The following PTH1R variants were observed in gnomAD, a reference collection of about 807,000 sequenced individuals.
The protein encoded by PTH1R is parathyroid hormone 1 receptor.
A neutral mutation model predicts 70.7 loss-of-function variants in PTH1R; 32 were observed. The observed-to-expected ratio is 0.45, with a 90% CI of 0.34 to 0.61. The LOEUF (loss-of-function observed/expected upper bound fraction) is 0.61, where lower values mean the gene tolerates loss of function less well. Ranked by LOEUF, PTH1R falls within the 20% of genes least tolerant of loss-of-function variation. The probability of loss-of-function intolerance (pLI) is 0.01; values close to 1 mark genes in which losing one functional copy is unlikely to be tolerated. For missense variants in PTH1R, 626 were observed against 792.5 expected, an observed-to-expected ratio of 0.79 and a Z score of 2.52; for synonymous variants, 329 against 324.8, an observed-to-expected ratio of 1.01 and a Z score of -0.14.
At chr3:46,889,365 T>G (rs946315726) in intron 3 of PTH1R, among the ~76,000 whole-genome samples, 1 of 152,212 alleles carries the variant, frequency 6.6e-6, no homozygotes. Context: ...AAGGGAGACT[T>G]GCTTAATGTA....
In PTH1R at chr3:46,891,275, G is replaced by A. The variant is rs2031401686; in HGVS notation, c.76-2632G>A. Among the ~76,000 whole-genome samples the A allele has an allele frequency of 6.6e-6, 1 of 152,202 alleles. No homozygotes were observed. Among genetic ancestry groups the A allele is most frequent in the South Asian group, 2.1e-4 (1 of 4,826 alleles). On this transcript the variant is annotated intron_variant, in intron 3 of 15. Coordinates refer to ENST00000449590, the MANE Select transcript of PTH1R (RefSeq NM_000316.3). The surrounding 1 kb of genome is among the most constrained non-coding windows in gnomAD (Gnocchi z 4.3). Reference sequence around the variant, plus strand: ...GTGCCTCCTCCTGGCCATGGAGAAGGTGAAGCCAACAGCTGGAGGTAGAGG... The same window carrying A: ...GTGCCTCCTCCTGGCCATGGAGAAGATGAAGCCAACAGCTGGAGGTAGAGG...
rs1056355333 is a variant in PTH1R at position 46,882,166 on chromosome 3, C to A, written c.-49+1048C>A. 6.7e-6 allele frequency: 1 copy of A among 148,514 alleles called. No homozygotes were observed. The highest frequency in any genetic ancestry group is 2.5e-5 in the African/African-American group (1 of 40,646). 9.2% of individuals were successfully genotyped at this position (148,514 alleles called of 1,614,324 possible). Reference sequence around the variant, plus strand: ...TCCTCTCGGCCTCTCCACACTCCCGCGTCGGCGGCTGCGGAGGGGGTGGGG... The same window carrying A: ...TCCTCTCGGCCTCTCCACACTCCCGAGTCGGCGGCTGCGGAGGGGGTGGGG... On this transcript the variant is annotated intron_variant, in intron 2 of 15. Transcript: ENST00000449590. This position sits in a 1 kb window ranked among gnomAD's most constrained non-coding sequence, Gnocchi z 4.3.
rs1476388516 is a variant in PTH1R at position 46,898,725 on chromosome 3, C to T, written c.702C>T (p.Ala234=). The T allele has an allele frequency of 2.5e-6, 4 of 1,611,216 alleles. No homozygotes were observed. Among genetic ancestry groups the T allele is most frequent in the South Asian group, 1.1e-5 (1 of 91,084 alleles). The change falls in exon 9 of 16, where the codon GCC becomes GCT. Residue 234 remains alanine (A), a synonymous_variant. Transcript: ENST00000449590. Reference sequence around the variant, plus strand: ...TGTTCCTGTCCTTCATGCTGCGCGCCGTGAGCATCTTCGTCAAGGACGCTG... The same window carrying T: ...TGTTCCTGTCCTTCATGCTGCGCGCTGTGAGCATCTTCGTCAAGGACGCTG... ...MHLFLSFMLR[A]VSIFVKDAVL...
chr3:46,898,419 C>T lies in PTH1R; in HGVS notation c.585C>T (p.Tyr195=). 1 of 1,614,062 alleles carries T rather than the reference C, an allele frequency of 6.2e-7. No homozygotes were observed. The highest frequency in any genetic ancestry group is 8.5e-7 in the Non-Finnish European group (1 of 1,180,018). ...DRLGMIYTVG[Y]SVSLASLTVA... ...TGGGCATGATTTACACCGTGGGCTA[C>T]TCCGTGTCCCTGGCGTCCCTCACCG... is the stretch of plus-strand genomic sequence containing the variant. The change falls in exon 8 of 16, where the codon TAC becomes TAT. Residue 195 remains tyrosine, a synonymous_variant. Transcript: ENST00000449590.
intron 2 of PTH1R, among the ~76,000 whole-genome samples, chr3:46,881,418 C>G (rs1310722602): frequency 6.6e-6 from 1 of 152,174 alleles, no homozygotes. Context: ...CCGGTCCGAG[C>G]CGGCCGATAG....
intron 9 of PTH1R, 77 bp downstream of exon 9, chr3:46,898,934 G>A: frequency 9.3e-7 from 1 of 1,071,032 alleles, no homozygotes; most frequent in East Asian, 3.0e-5. Flanking sequence ...GCTCCAGCCC[G>A]GCCCTCGCCC....
chr3:46,890,297 A>C (rs147866137), intron 3 of PTH1R, among the ~76,000 whole-genome samples: 6 of 152,052 alleles, frequency 3.9e-5, no homozygotes, highest in Non-Finnish European at 5.9e-5. Flanking sequence ...CCATCTACCC[A>C]GATAATCTCC....
chr3:46,893,678 C>T lies in PTH1R; in HGVS notation c.76-229C>T, dbSNP rs2031563133. Among the ~76,000 whole-genome samples, 5 of 152,174 alleles carry T rather than the reference C, an allele frequency of 3.3e-5. No homozygotes were observed. The highest frequency in any genetic ancestry group is 2.6e-4 in the Admixed American group (4 of 15,288). Reference sequence around the variant, plus strand: ...ACTGGCGGGCAGGCAGGAGAGAGCCCCTGCTTTTTCCCTTCGATCAGGCAG... The same window carrying T: ...ACTGGCGGGCAGGCAGGAGAGAGCCTCTGCTTTTTCCCTTCGATCAGGCAG... On this transcript the variant is annotated intron_variant, in intron 3 of 15. Coordinates refer to ENST00000449590, the MANE Select transcript of PTH1R (RefSeq NM_000316.3). The surrounding 1 kb of genome is among the most constrained non-coding windows in gnomAD (Gnocchi z 5.2).
In PTH1R at chr3:46,903,521, G is replaced by A. The variant is rs750055912; in HGVS notation, c.1647G>A (p.Glu549=). The change falls in exon 16 of 16, where the codon GAG becomes GAA. Residue 549 remains glutamate (E), a synonymous_variant. Transcript: ENST00000449590. The surrounding 1 kb of genome is among the most constrained non-coding windows in gnomAD (Gnocchi z 4.4). ...GGACCCCAGCCCTGGAGACCCTCGAGACCACACCACCTGCCATGGCTGCTC... is the reference window on the plus strand; with the variant it reads ...GGACCCCAGCCCTGGAGACCCTCGAAACCACACCACCTGCCATGGCTGCTC... ...KPGTPALETL[E]TTPPAMAAPK... The A allele has an allele frequency of 4.3e-6, 7 of 1,613,780 alleles. 1 individual carries two copies. In the Admixed American group the frequency reaches 1.0e-4, roughly 23 times the overall value.
rs1411091136 is a variant in PTH1R, at chr3:46,892,649, C to G, written c.76-1258C>G. 1.0e-5 allele frequency: 8 copies of G among 795,054 alleles called. 1 individual carries two copies. The South Asian group carries it at 4.6e-4, about 45-fold the overall frequency. 49.2% of individuals were successfully genotyped at this position (795,054 alleles called of 1,614,324 possible). On this transcript the variant is annotated intron_variant, in intron 3 of 15. Coordinates refer to ENST00000449590, the MANE Select transcript of PTH1R (RefSeq NM_000316.3). The surrounding 1 kb of genome is among the most constrained non-coding windows in gnomAD (Gnocchi z 5.2). ...GCTCTCTGACCCGGCCTGCCCGCCC[C>G]TCTCGCCGGTGCCCGCCCCATGCCC...
At position 46,903,257 on chromosome 3, in the gene PTH1R, T is replaced by C. The variant is rs2107067634; in HGVS notation, c.1396-13T>C. The C allele has an allele frequency of 1.9e-6, 3 of 1,612,182 alleles. No individual in the cohort carries two copies. The highest frequency in any genetic ancestry group is 3.3e-5 in the Admixed American group (2 of 59,992). On this transcript the variant is annotated splice_polypyrimidine_tract_variant and intron_variant, in intron 15 of 15. Coordinates refer to ENST00000449590, the MANE Select transcript of PTH1R (RefSeq NM_000316.3). This position sits in a 1 kb window ranked among gnomAD's most constrained non-coding sequence, Gnocchi z 4.4. ...GGAGACACACCTGACTGCCGCACCC[T>C]TACTGCCCCAAGGTACAAGCTGAGA...
intron 9 of PTH1R, 142 bp from the exon 10 acceptor site, chr3:46,899,161 G>C (rs1421008914): frequency 9.1e-7 from 1 of 1,101,230 alleles, no homozygotes; most frequent in Non-Finnish European, 1.3e-6. Flanking sequence ...CCCCCTGAGA[G>C]AGCCCCCCAA....
rs780016272 is a variant in PTH1R, at chr3:46,898,180, G to A, written c.531G>A (p.Glu177=). 3.7e-6 allele frequency: 6 copies of A among 1,614,048 alleles called. No homozygotes were observed. The highest frequency in any genetic ancestry group is 1.3e-5 in the African/African-American group (1 of 74,920). ...AGTGTGTCAAATTTCTCACCAATGAGACTCGTGAACGGGTGCGAGCCTTTC... is the reference window on the plus strand; with the variant it reads ...AGTGTGTCAAATTTCTCACCAATGAAACTCGTGAACGGGTGCGAGCCTTTC... The part of the protein sequence containing the change: ...YSECVKFLTN[E]TREREVFDRL... The change falls in exon 7 of 16, where the codon GAG becomes GAA. Residue 177 remains glutamate (E), a synonymous_variant. Transcript: ENST00000449590.
chr3:46,890,632 A>T (rs1418622182), intron 3 of PTH1R, among the ~76,000 whole-genome samples: 2 of 150,686 alleles, frequency 1.3e-5, no homozygotes, highest in East Asian at 3.9e-4. Flanking sequence ...CCTCCCGAGT[A>T]GCTGGGATTA....
intron 9 of PTH1R, 82 bp downstream of exon 9, chr3:46,898,939 TCGCCCTGCCCG>T (rs1335064827): frequency 3.9e-6 from 4 of 1,021,988 alleles, no homozygotes; most frequent in Non-Finnish European, 5.3e-6. Context: ...AGCCCGGCCC[TCGCCCTGCCCG>T]CCTCCTGCCA....
chr3:46,882,060 T>C lies in PTH1R; in HGVS notation c.-49+942T>C, dbSNP rs1012354461. On this transcript the variant is annotated intron_variant, in intron 2 of 15. Coordinates refer to ENST00000449590, the MANE Select transcript of PTH1R (RefSeq NM_000316.3). This position sits in a 1 kb window ranked among gnomAD's most constrained non-coding sequence, Gnocchi z 4.3. ...ATGTTACAGCTGCCCCCGCCCCGTC[T>C]CCCCAGCACTCACATCCCGCCGCCG... 1 of 151,722 alleles carries C rather than the reference T, an allele frequency of 6.6e-6. No homozygotes were observed. The allele number at this position is 151,722 out of a possible 1,614,324, so 9.4% of individuals were successfully genotyped here. A position where few individuals can be genotyped will look rare whatever the true frequency, so the allele number is the denominator to read the frequency against.
chr3:46,895,781 A>G lies in PTH1R; in HGVS notation c.225A>G (p.Ser75=). The part of the protein sequence containing the change: ...SDKGWTSAST[S]GKPRKDKASG... ...AGGGATGGACATCTGCGTCCACATC[A>G]GGGAAGCCCAGGAAAGATAAGGCAT... The change falls in exon 5 of 16, where the codon TCA becomes TCG. Residue 75 remains serine (S), a synonymous_variant. Transcript: ENST00000449590. 6.2e-7 allele frequency: 1 copy of G among 1,614,192 alleles called. No homozygotes were observed. The highest frequency in any genetic ancestry group is 8.5e-7 in the Non-Finnish European group (1 of 1,180,046).
chr3:46,896,989 A>G lies in PTH1R; in HGVS notation c.314-866A>G, dbSNP rs139635478. On this transcript the variant is annotated intron_variant, in intron 5 of 15. Transcript: ENST00000449590. This position sits in a 1 kb window ranked among gnomAD's most constrained non-coding sequence, Gnocchi z 4.1. ...CCAACTTCCCAATGAGGAAATGGAA[A>G]TAGAAAGACTTGGGACACCTGCGTG... 4.2e-3 allele frequency among the ~76,000 whole-genome samples: 636 copies of G among 152,310 alleles called. 7 individuals are homozygous for G. Among genetic ancestry groups the G allele is most frequent in the African/African-American group, 0.015 (615 of 41,558 alleles).
At position 46,893,750 on chromosome 3, in the gene PTH1R, C is replaced by G. The variant is rs1195448963; in HGVS notation, c.76-157C>G. On this transcript the variant is annotated intron_variant, in intron 3 of 15. Transcript: ENST00000449590. This position sits in a 1 kb window ranked among gnomAD's most constrained non-coding sequence, Gnocchi z 5.2. ...GCTTCCCATCTGTAAGGTGTGAGCT[C>G]CATAGAGCAGATTCCCCACATGCAG... Among the ~76,000 whole-genome samples the G allele has an allele frequency of 1.3e-5, 2 of 152,170 alleles. No homozygotes were observed. Among genetic ancestry groups the G allele is most frequent in the Non-Finnish European group, 2.9e-5 (2 of 68,020 alleles).
Sources: gnomAD v4.1 joint callset for allele counts (sites outside exome capture counted in the v4.1 genomes callset) on GRCh38, gnomAD v4.1.1 for gene constraint, Gnocchi (gnomAD v3.1) non-coding constraint, MANE v1.5 for transcripts, NCBI Gene and HGNC (gene_info 2026-07-23, HGNC 2026-07-21) for gene names.